The following DPT variants were observed in gnomAD, a reference collection of about 807,000 sequenced individuals.
The protein encoded by DPT is tyrosine-rich acidic matrix protein.
DPT carries 21 observed loss-of-function variants against 31.2 expected under a neutral mutation model. That is an observed-to-expected ratio of 0.67 (90% CI 0.48 to 0.97). The LOEUF (loss-of-function observed/expected upper bound fraction) is 0.97, where lower values mean the gene tolerates loss of function less well. Among genes scored for constraint, DPT ranks in the 50% least tolerant of loss-of-function variants. The pLI, the probability that DPT is intolerant of heterozygous loss-of-function variation, is 0.00. For missense variants in DPT, 262 were observed against 258.8 expected (o/e 1.01, Z -0.08); for synonymous variants, 91 against 86.9 (o/e 1.05, Z -0.26).
intron 2 of DPT, among the ~76,000 whole-genome samples, chr1:168,702,157 G>A (rs1649612933): frequency 6.6e-6 from 1 of 152,152 alleles, no homozygotes; most frequent in Admixed American, 6.5e-5. Flanking sequence ...ACACCCCAGG[G>A]ACGCTTGGAA....
At chr1:168,702,249 T>A (rs1649615238) in intron 2 of DPT, among the ~76,000 whole-genome samples, 2 of 152,356 alleles carry the variant, frequency 1.3e-5, no homozygotes, top group Admixed American at 1.3e-4. Flanking sequence ...AAAGATCTTC[T>A]CCTCTGCAGA....
chr1:168,727,289 C>A (rs1020901211), intron 1 of DPT, among the ~76,000 whole-genome samples: 8 of 152,218 alleles, frequency 5.3e-5, no homozygotes, highest in African/African-American at 1.9e-4. Flanking sequence ...CTCTAGACTG[C>A]AGTTTGTCTA....
At chr1:168,709,324 A>G (rs892783267) in intron 2 of DPT, among the ~76,000 whole-genome samples, 2 of 152,226 alleles carry the variant, frequency 1.3e-5, no homozygotes, top group Non-Finnish European at 2.9e-5. Flanking sequence ...CTTCAGTGAC[A>G]TGTGTTTGTG....
At chr1:168,704,086 A>G (rs1199659796) in intron 2 of DPT, among the ~76,000 whole-genome samples, 2 of 152,246 alleles carry the variant, frequency 1.3e-5, no homozygotes, top group Non-Finnish European at 2.9e-5. Flanking sequence ...AAGCAGAATG[A>G]TCAGGGTTTC....
chr1:168,726,690 T>A (rs927881589), intron 1 of DPT, among the ~76,000 whole-genome samples: 1 of 150,742 alleles, frequency 6.6e-6, no homozygotes, highest in Non-Finnish European at 1.5e-5. Flanking sequence ...TAGAAAGGAG[T>A]CGCACCCATG....
intron 1 of DPT, among the ~76,000 whole-genome samples, chr1:168,718,935 C>T (rs1375874611): frequency 6.6e-6 from 1 of 152,178 alleles, no homozygotes; most frequent in Admixed American, 6.5e-5. Context: ...CCTCCCTGAG[C>T]TGCTGTTTCC....
intron 2 of DPT, among the ~76,000 whole-genome samples, chr1:168,710,362 C>A (rs968509125): frequency 1.4e-4 from 22 of 152,164 alleles, no homozygotes; most frequent in African/African-American, 5.3e-4. Context: ...ACTTGTCATG[C>A]CTTTTGGATT....
At position 168,695,964 on chromosome 1, in the gene DPT, C is replaced by G. The variant is rs1208393069; in HGVS notation, c.*585G>C. 2 of 385,796 alleles carry G rather than the reference C, an allele frequency of 5.2e-6. No individual in the cohort carries two copies. Among genetic ancestry groups the G allele is most frequent in the East Asian group, 3.7e-5 (1 of 27,150 alleles). The allele number at this position is 385,796 out of a possible 1,614,324, so 23.9% of individuals were successfully genotyped here. Reference sequence around the variant, plus strand: ...CTGTTTTCAGCTCTGCCTCCAAACCCTTCCATTTCCCCATTTCACCTCCCA... The same window carrying G: ...CTGTTTTCAGCTCTGCCTCCAAACCGTTCCATTTCCCCATTTCACCTCCCA... On this transcript the variant is annotated 3_prime_UTR_variant, in exon 4 of 4. Transcript: ENST00000367817.
At chr1:168,714,075 C>G in intron 2 of DPT, 146 bp downstream of exon 2, 1 of 1,069,682 alleles carries the variant, frequency 9.3e-7, no homozygotes, top group Non-Finnish European at 1.3e-6. Context: ...GAACATCCTC[C>G]TAAGTCATTC....
intron 1 of DPT, among the ~76,000 whole-genome samples, chr1:168,727,544 T>C (rs1192467899): frequency 6.7e-6 from 1 of 149,914 alleles, no homozygotes; most frequent in Non-Finnish European, 1.5e-5. Context: ...ATTTTCTTTT[T>C]TTTTTTTTTT....
At chr1:168,718,742 T>C (rs1650038462) in intron 1 of DPT, among the ~76,000 whole-genome samples, 4 of 152,220 alleles carry the variant, frequency 2.6e-5, no homozygotes, top group Admixed American at 2.6e-4. Context: ...ATAGCACATA[T>C]GTATTAAAGT....
intron 2 of DPT, among the ~76,000 whole-genome samples, chr1:168,712,889 C>G (rs1352607223): frequency 1.3e-5 from 2 of 152,222 alleles, no homozygotes; most frequent in African/African-American, 4.8e-5. Context: ...CATTTTCCCC[C>G]CTGAAGACAA....
chr1:168,728,893 C>A lies in DPT; in HGVS notation c.282G>T (p.Glu94Asp), dbSNP rs765795417. 1.2e-6 allele frequency: 2 copies of A among 1,614,206 alleles called. No homozygotes were observed. The highest frequency in any genetic ancestry group is 1.7e-5 in the Admixed American group (1 of 60,020). The change falls in exon 1 of 4, where the codon GAG becomes GAT. Residue 94 changes from glutamate (E) to aspartate (D), a missense_variant. Physicochemically the swap from Glu to Asp is conservative, Grantham distance 45. Coordinates refer to ENST00000367817, the MANE Select transcript of DPT (RefSeq NM_001937.5). ...ACCATTCCATGCCAGCCCTGTTGAT[C>A]TCCTCCCACCAGCACTCCGTGGGTT... Reference protein sequence around the residue: ...LGEPTECWWEEINRAGMEWYQ... With the variant: ...LGEPTECWWEDINRAGMEWYQ...
Position 168,701,048 on chromosome 1 carries a change from C to G in DPT, c.508G>C (p.Gly170Arg), listed in dbSNP as rs1263643334. 19 of 1,613,730 alleles carry G rather than the reference C, an allele frequency of 1.2e-5. No homozygotes were observed. Among genetic ancestry groups the G allele is most frequent in the Non-Finnish European group, 1.6e-5 (19 of 1,179,912 alleles). The change falls in exon 3 of 4, where the codon GGA becomes CGA. Residue 170 changes from glycine (G) to arginine (R), a missense_variant. Coordinates refer to ENST00000367817, the MANE Select transcript of DPT (RefSeq NM_001937.5). ...ISYNYDYYIR[G>R]ATTTFSAVER... is the part of the protein sequence containing the mutation. ...ACTGCAGAGAAAGTGGTTGTTGCTC[C>G]TCGGATATAGTAATCATAATTGTAG...
At chr1:168,720,118 C>T (rs142048039) in intron 1 of DPT, among the ~76,000 whole-genome samples, 2 of 152,050 alleles carry the variant, frequency 1.3e-5, no homozygotes, top group African/African-American at 4.8e-5. Context: ...CTAGTCCTAG[C>T]CCTGACCTTT....
intron 2 of DPT, among the ~76,000 whole-genome samples, chr1:168,713,898 G>T (rs1480688650): frequency 2.0e-5 from 3 of 152,140 alleles, no homozygotes; most frequent in Admixed American, 2.0e-4. Context: ...GGGAGAAGGA[G>T]AACAGCACTG....
intron 1 of DPT, among the ~76,000 whole-genome samples, chr1:168,725,665 G>T (rs1572634095): frequency 6.6e-6 from 1 of 152,168 alleles, no homozygotes; most frequent in South Asian, 2.1e-4. Flanking sequence ...TCAGAAGCCG[G>T]CACTTGAAGA....
intron 2 of DPT, among the ~76,000 whole-genome samples, chr1:168,711,177 ATTTTT>A (rs60428485): frequency 6.9e-6 from 1 of 145,930 alleles, no homozygotes; most frequent in African/African-American, 2.5e-5. Context: ...AGCCTGGCTA[ATTTTT>A]TTTTTTTTTT....
At position 168,696,984 on chromosome 1, in the gene DPT, G is replaced by A. The variant is rs117294237; in HGVS notation, c.540-369C>T. On this transcript the variant is annotated intron_variant, in intron 3 of 3. Coordinates refer to ENST00000367817, the MANE Select transcript of DPT (RefSeq NM_001937.5). ...ATTGTAAAGAATCTTGTTTTAGGCT[G>A]GGCTTGGTAGCTAACACCTGCAATC... Among the ~76,000 whole-genome samples the A allele has an allele frequency of 7.1e-3, 1,075 of 152,236 alleles. 14 individuals are homozygous for A. Among genetic ancestry groups the A allele is most frequent in the East Asian group, 0.064 (330 of 5,170 alleles).
Sources: gnomAD v4.1 joint callset for allele counts (sites outside exome capture counted in the v4.1 genomes callset) on GRCh38, gnomAD v4.1.1 for gene constraint, MANE v1.5 for transcripts, NCBI Gene and HGNC (gene_info 2026-07-23, HGNC 2026-07-21) for gene names.